The following TXNRD1 variants were observed in gnomAD, a reference collection of about 807,000 sequenced individuals.
TXNRD1 encodes the protein thioredoxin reductase 1, cytoplasmic.
In TXNRD1, 57 loss-of-function variants were observed where a neutral mutation model predicts 80.3. That is an observed-to-expected ratio of 0.71 (90% confidence interval 0.57 to 0.89). The LOEUF is 0.89. Among genes scored for constraint, TXNRD1 ranks in the 40% least tolerant of loss-of-function variants. TXNRD1 has a pLI of 0.00. For missense variants in TXNRD1, 730 were observed against 803.0 expected (o/e 0.91, Z 1.10); for synonymous variants, 291 against 285.2 (o/e 1.02, Z -0.20).
rs370474907 is a variant in TXNRD1, at chr12:104,315,757, A to G, written c.611-20A>G. 1 of 1,606,496 alleles carries G rather than the reference A, an allele frequency of 6.2e-7. No homozygotes were observed. The highest frequency in any genetic ancestry group is 8.5e-7 in the Non-Finnish European group (1 of 1,175,562). On this transcript the variant is annotated intron_variant, in intron 6 of 16. Transcript: ENST00000525566. ...GGCTTGGAAAGCAGGTTATAAACTG[A>G]TTTCTCAATGTTGTTGTAGGTCTCG...
chr12:104,288,351 C>G (rs1251003170), intron 3 of TXNRD1, among the ~76,000 whole-genome samples: 2 of 152,300 alleles, frequency 1.3e-5, no homozygotes, highest in East Asian at 3.9e-4. Flanking sequence ...GAGTTCACCC[C>G]TTTGTGAAAT....
intron 4 of TXNRD1, among the ~76,000 whole-genome samples, chr12:104,305,465 C>CAATTTCTGT (rs2034868024): frequency 6.6e-6 from 1 of 152,112 alleles, no homozygotes; most frequent in African/African-American, 2.4e-5. Flanking sequence ...ATATTCTAAA[C>CAATTTCTGT]AATTTCTGTT....
intron 3 of TXNRD1, among the ~76,000 whole-genome samples, chr12:104,267,691 TTCTTTCTTTCTC>T (rs767302325): frequency 0.25 from 12,305 of 49,050 alleles, 1,000 homozygotes; most frequent in East Asian, 0.35. Flanking sequence ...CTTTCTTTCT[TTCTTTCTTTCTC>T]TCTTTCTTTC....
In TXNRD1 at chr12:104,339,177, T is replaced by C; in HGVS notation, c.1785T>C (p.Ala595=). 3.7e-6 allele frequency: 6 copies of C among 1,614,036 alleles called. No individual in the cohort carries two copies. The highest frequency in any genetic ancestry group is 5.1e-6 in the Non-Finnish European group (6 of 1,179,896). The change falls in exon 16 of 17, where the codon GCT becomes GCC. Residue 595 remains alanine (A), a synonymous_variant. Coordinates refer to ENST00000525566, the MANE Select transcript of TXNRD1 (RefSeq NM_001093771.3). ...VVGFHVLGPN[A]GEVTQGFAAA... Reference sequence around the variant, plus strand: ...GCTTTCACGTACTGGGTCCAAATGCTGGAGAAGTTACACAAGGCTTTGCAG... The same window carrying C: ...GCTTTCACGTACTGGGTCCAAATGCCGGAGAAGTTACACAAGGCTTTGCAG...
chr12:104,271,740 C>T (rs1189159782), intron 3 of TXNRD1, among the ~76,000 whole-genome samples: 5 of 152,036 alleles, frequency 3.3e-5, no homozygotes, highest in African/African-American at 9.7e-5. Flanking sequence ...TGGATGTATA[C>T]GTGCAGGTCA....
intron 1 of TXNRD1, chr12:104,224,734 G>A: frequency 1.2e-5 from 5 of 432,422 alleles, no homozygotes; most frequent in Non-Finnish European, 2.3e-5. Context: ...ATGGCACATA[G>A]TAGATGCTCG....
At chr12:104,244,297 G>A (rs1039160427) in intron 1 of TXNRD1, among the ~76,000 whole-genome samples, 1 of 152,192 alleles carries the variant, frequency 6.6e-6, no homozygotes, top group Non-Finnish European at 1.5e-5. Flanking sequence ...GTGTCCTGGA[G>A]TGGAAGTGTT....
chr12:104,241,487 C>T (rs962750648), intron 1 of TXNRD1, among the ~76,000 whole-genome samples: 3 of 152,168 alleles, frequency 2.0e-5, no homozygotes, highest in Non-Finnish European at 4.4e-5. Flanking sequence ...TCTCCTGACT[C>T]AGCCTCCCAA....
At chr12:104,254,025 T>A (rs897128269) in intron 2 of TXNRD1, among the ~76,000 whole-genome samples, 2 of 152,188 alleles carry the variant, frequency 1.3e-5, no homozygotes, top group African/African-American at 4.8e-5. Flanking sequence ...ATTACGTGCT[T>A]GTCTAGTCTT....
chr12:104,347,970 A>G (rs2036547479), intron 16 of TXNRD1, among the ~76,000 whole-genome samples: 1 of 152,080 alleles, frequency 6.6e-6, no homozygotes, highest in Non-Finnish European at 1.5e-5. Context: ...GGAAAGGAGG[A>G]AAAGGCCAAT....
intron 1 of TXNRD1, among the ~76,000 whole-genome samples, chr12:104,228,810 C>T (rs960012185): frequency 6.6e-6 from 1 of 151,876 alleles, no homozygotes; most frequent in African/African-American, 2.4e-5. Flanking sequence ...ACCTCCGCCT[C>T]CCGGGTTCAC....
chr12:104,265,287 C>T (rs2033453781), intron 3 of TXNRD1: 6 of 1,559,650 alleles, frequency 3.8e-6, no homozygotes, highest in African/African-American at 1.4e-5. Context: ...TTGCGGGTGG[C>T]GGCGAACGCG....
intron 2 of TXNRD1, among the ~76,000 whole-genome samples, chr12:104,256,877 C>T (rs1412250189): frequency 2.0e-5 from 3 of 151,208 alleles, no homozygotes; most frequent in Admixed American, 1.3e-4. Context: ...TGAATTTGGT[C>T]CTATAGAAAT....
At chr12:104,323,969 T>C (rs555442956) in intron 10 of TXNRD1, among the ~76,000 whole-genome samples, 279 of 152,326 alleles carry the variant, frequency 1.8e-3, no homozygotes, top group Non-Finnish European at 3.3e-3. Flanking sequence ...TGCTGTATTA[T>C]AAAGTGACCG....
In TXNRD1 at chr12:104,215,801, A is replaced by G. The variant is rs374070956; in HGVS notation, c.-2A>G. On this transcript the variant is annotated 5_prime_UTR_variant, in exon 1 of 17. Coordinates refer to ENST00000525566, the MANE Select transcript of TXNRD1 (RefSeq NM_001093771.3). ...GTCAGTTCCCACAGGGCCTTGTGCG[A>G]CATGGGCTGCGCCGAGGGCAAGGCA... is the stretch of plus-strand genomic sequence containing the variant. 4,140 of 1,557,050 alleles carry G rather than the reference A, an allele frequency of 2.7e-3. 7 individuals carry two copies. Among genetic ancestry groups the G allele is most frequent in the Non-Finnish European group, 3.3e-3 (3,803 of 1,150,798 alleles).
At chr12:104,256,789 A>AG (rs2033259887) in intron 2 of TXNRD1, among the ~76,000 whole-genome samples, 1 of 142,690 alleles carries the variant, frequency 7.0e-6, no homozygotes, top group African/African-American at 2.6e-5. Context: ...AAAAAAAAAA[A>AG]AAGAAAAAGA....
At chr12:104,227,255 A>G (rs1314692617) in intron 1 of TXNRD1, among the ~76,000 whole-genome samples, 1 of 151,800 alleles carries the variant, frequency 6.6e-6, no homozygotes, top group Non-Finnish European at 1.5e-5. Flanking sequence ...ATTTTTTATT[A>G]TTTATTTTAA....
intron 4 of TXNRD1, among the ~76,000 whole-genome samples, chr12:104,295,825 G>C (rs1398530081): frequency 6.6e-6 from 1 of 152,188 alleles, no homozygotes; most frequent in Non-Finnish European, 1.5e-5. Context: ...ATCGAGGTCA[G>C]AGAGCTAGTC....
In TXNRD1 at chr12:104,304,705, G is replaced by A. The variant is rs201124067; in HGVS notation, c.415-6585G>A. Reference sequence around the variant, plus strand: ...CAAACTCTTTTTCTCGTACTGTGGAGAATATATTTTATGTTTCTTTTATTG... The same window carrying A: ...CAAACTCTTTTTCTCGTACTGTGGAAAATATATTTTATGTTTCTTTTATTG... On this transcript the variant is annotated intron_variant, in intron 4 of 16. Coordinates refer to ENST00000525566, the MANE Select transcript of TXNRD1 (RefSeq NM_001093771.3). The A allele has an allele frequency of 5.0e-6, 8 of 1,613,662 alleles. No individual in the cohort carries two copies. In the African/African-American group the frequency reaches 1.1e-4, roughly 22 times the overall value.
Sources: allele counts gnomAD v4.1 joint callset (sites outside exome capture counted in the v4.1 genomes callset), GRCh38; gene constraint gnomAD v4.1.1; transcripts MANE v1.5; gene names NCBI Gene and HGNC (gene_info 2026-07-23, HGNC 2026-07-21).